Variants in MINDY3 observed in about 807,000 individuals in gnomAD.
MINDY3 encodes ubiquitin carboxyl-terminal hydrolase MINDY-3.
In MINDY3, 38 loss-of-function variants were observed where a neutral mutation model predicts 69.2. That is an observed-to-expected ratio of 0.55 (90% CI 0.42 to 0.72). MINDY3 has a LOEUF of 0.72. Ranked by LOEUF, MINDY3 falls within the 30% of genes least tolerant of loss-of-function variation. The pLI is 0.00. For missense variants in MINDY3, 522 were observed against 519.0 expected (o/e 1.01, Z -0.06); for synonymous variants, 192 against 180.1 (o/e 1.07, Z -0.53).
Position 15,858,209 on chromosome 10 carries a change from G to A in MINDY3, c.94+1997C>T, listed in dbSNP as rs1433064694. On this transcript the variant is annotated intron_variant, in intron 1 of 14. Coordinates refer to ENST00000277632, the MANE Select transcript of MINDY3 (RefSeq NM_024948.4). ...ATCTTAATCAGTGTAAGGCCTTGAA[G>A]AGCTACATATCCAAAATATAACTAA... 2.0e-5 allele frequency among the ~76,000 whole-genome samples: 3 copies of A among 152,226 alleles called. No individual in the cohort carries two copies. The East Asian group carries it at 5.8e-4, about 29-fold the overall frequency.
At chr10:15,823,058 G>T (rs1839875818) in intron 8 of MINDY3, among the ~76,000 whole-genome samples, 1 of 152,006 alleles carries the variant, frequency 6.6e-6, no homozygotes. Context: ...AATGAATGTA[G>T]TAAGAATATT....
intron 10 of MINDY3, among the ~76,000 whole-genome samples, chr10:15,802,082 T>C (rs1002949885): frequency 5.3e-5 from 8 of 151,686 alleles, no homozygotes; most frequent in Middle Eastern, 6.8e-3. Flanking sequence ...ATACAAAATA[T>C]GTGTTAATCT....
intron 2 of MINDY3, 25 bp downstream of exon 2, chr10:15,847,839 G>A: frequency 6.4e-7 from 1 of 1,560,776 alleles, no homozygotes; most frequent in Non-Finnish European, 8.8e-7. Context: ...TCCCTCTAAG[G>A]AGTTGGTAAA....
intron 1 of MINDY3, among the ~76,000 whole-genome samples, chr10:15,848,292 ATATCATTC>A (rs1833997066): frequency 1.3e-5 from 2 of 152,190 alleles, no homozygotes; most frequent in Admixed American, 1.3e-4. Context: ...TTTAAATACC[ATATCATTC>A]TATCATTTCA....
intron 1 of MINDY3, among the ~76,000 whole-genome samples, chr10:15,853,001 G>T (rs754273732): frequency 6.6e-6 from 1 of 152,068 alleles, no homozygotes; most frequent in Non-Finnish European, 1.5e-5. Context: ...AGGGGAAGTC[G>T]TGTGTAGGTT....
intron 8 of MINDY3, among the ~76,000 whole-genome samples, chr10:15,824,612 T>C (rs1334541669): frequency 6.6e-6 from 1 of 152,160 alleles, no homozygotes; most frequent in Non-Finnish European, 1.5e-5. Context: ...TCTCTCCCTT[T>C]CCTTCTTAAA....
chr10:15,816,799 G>A (rs1443594716), intron 10 of MINDY3, 36 bp downstream of exon 10: 2 of 1,411,438 alleles, frequency 1.4e-6, no homozygotes, highest in Middle Eastern at 1.8e-4. Context: ...TTTGCCTGAT[G>A]TCATAACTTA....
intron 11 of MINDY3, among the ~76,000 whole-genome samples, chr10:15,790,967 T>C (rs1164198748): frequency 6.6e-6 from 1 of 152,056 alleles, no homozygotes; most frequent in African/African-American, 2.4e-5. Flanking sequence ...AATTGGCAAA[T>C]GACAACAAAA....
intron 8 of MINDY3, among the ~76,000 whole-genome samples, chr10:15,823,865 T>C (rs1839925188): frequency 6.6e-6 from 1 of 152,182 alleles, no homozygotes; most frequent in Admixed American, 6.5e-5. Flanking sequence ...TGATCAAATT[T>C]GTTTAGATCC....
chr10:15,802,523 A>G (rs988524547), intron 10 of MINDY3, among the ~76,000 whole-genome samples: 2 of 152,080 alleles, frequency 1.3e-5, no homozygotes, highest in Non-Finnish European at 2.9e-5. Context: ...CCATGACTCA[A>G]TCGCCTCCCA....
intron 14 of MINDY3, among the ~76,000 whole-genome samples, chr10:15,779,773 A>G (rs1419749962): frequency 2.6e-5 from 4 of 152,208 alleles, no homozygotes; most frequent in Non-Finnish European, 5.9e-5. Context: ...AGAAAAGTAA[A>G]AGAGACGTTG....
In MINDY3 at chr10:15,860,345, C is replaced by T. The variant is rs1469401383; in HGVS notation, c.-46G>A. On this transcript the variant is annotated 5_prime_UTR_variant, in exon 1 of 15. Coordinates refer to ENST00000277632, the MANE Select transcript of MINDY3 (RefSeq NM_024948.4). ...ATCTTCGCTTTGCGGACTCCTGCCCCGGAACATGGGGAAGGGGCAACTCCG... is the reference window on the plus strand; with the variant it reads ...ATCTTCGCTTTGCGGACTCCTGCCCTGGAACATGGGGAAGGGGCAACTCCG... 1 of 1,433,098 alleles carries T rather than the reference C, an allele frequency of 7.0e-7. No homozygotes were observed. The highest frequency in any genetic ancestry group is 1.9e-5 in the Admixed American group (1 of 51,522). 88.8% of individuals were successfully genotyped at this position (1,433,098 alleles called of 1,614,324 possible). A position where few individuals can be genotyped will look rare whatever the true frequency, so the allele number is the denominator to read the frequency against.
At chr10:15,835,843 C>T (rs1044888514) in intron 6 of MINDY3, among the ~76,000 whole-genome samples, 2 of 151,888 alleles carry the variant, frequency 1.3e-5, no homozygotes, top group African/African-American at 2.4e-5. Context: ...TTTTGTTTTC[C>T]ATTCCATGAC....
chr10:15,821,866 T>C, intron 8 of MINDY3, 140 bp from the exon 9 acceptor site: 2 of 605,832 alleles, frequency 3.3e-6, no homozygotes, highest in Non-Finnish European at 5.6e-6. Context: ...ACTTTAAAAC[T>C]TAGCATGTAA....
intron 10 of MINDY3, among the ~76,000 whole-genome samples, chr10:15,816,260 C>CAAAAAAAAAAAAAAAAAAAAGAAA (rs1164005904): frequency 3.7e-5 from 1 of 26,826 alleles, no homozygotes; most frequent in Non-Finnish European, 8.2e-5. Context: ...GACTCCATCT[C>CAAAAAAAAAAAAAAAAAAAAGAAA]AAAAAAAAAA....
chr10:15,858,526 G>C (rs748647772), intron 1 of MINDY3, among the ~76,000 whole-genome samples: 3 of 152,148 alleles, frequency 2.0e-5, no homozygotes, highest in Admixed American at 6.5e-5. Flanking sequence ...AGTGTGCTAA[G>C]CACCTAAATT....
At chr10:15,829,015 A>C (rs749694933) in intron 8 of MINDY3, among the ~76,000 whole-genome samples, 19 of 152,194 alleles carry the variant, frequency 1.2e-4, no homozygotes, top group Non-Finnish European at 2.8e-4. Flanking sequence ...TATTTCCAAA[A>C]TGCCTACACT....
intron 9 of MINDY3, 64 bp from the exon 10 acceptor site, chr10:15,816,979 G>T: frequency 8.3e-7 from 1 of 1,208,050 alleles, no homozygotes; most frequent in Non-Finnish European, 1.2e-6. Context: ...CCTCTTATTT[G>T]CCCATAAATA....
intron 10 of MINDY3, among the ~76,000 whole-genome samples, chr10:15,803,419 A>G (rs930550266): frequency 1.3e-5 from 2 of 152,150 alleles, no homozygotes; most frequent in African/African-American, 2.4e-5. Flanking sequence ...TTCAATTGAG[A>G]GAGTTTTACA....
Sources: gnomAD v4.1 joint callset for allele counts (sites outside exome capture counted in the v4.1 genomes callset) on GRCh38, gnomAD v4.1.1 for gene constraint, MANE v1.5 for transcripts, NCBI Gene and HGNC (gene_info 2026-07-23, HGNC 2026-07-21) for gene names.